GRIA2: variants seen among roughly 807,000 people sequenced by gnomAD.
GRIA2 encodes glutamate receptor 2.
GRIA2 carries 14 observed loss-of-function variants against 97.3 expected under a neutral mutation model. The ratio of observed to expected loss-of-function variants is 0.14; its 90% CI spans 0.10 to 0.23. The LOEUF (loss-of-function observed/expected upper bound fraction) is 0.23, where lower values mean the gene tolerates loss of function less well. Among genes scored for constraint, GRIA2 ranks in the 10% least tolerant of loss-of-function variants. The pLI, the probability that GRIA2 is intolerant of heterozygous loss-of-function variation, is 1.00. For synonymous variants in GRIA2, 412 were observed against 387.8 expected (o/e 1.06, Z -0.73); for missense variants, 558 against 1,069.8 (o/e 0.52, Z 6.67).
At chr4:157,262,463 G>A (rs1731585003) in intron 2 of GRIA2, among the ~76,000 whole-genome samples, 1 of 151,924 alleles carries the variant, frequency 6.6e-6, no homozygotes. Context: ...GAAGAAGATT[G>A]TTACTTTCCA....
intron 11 of GRIA2, among the ~76,000 whole-genome samples, chr4:157,339,880 C>G (rs1212369826): frequency 1.3e-5 from 2 of 151,668 alleles, no homozygotes; most frequent in African/African-American, 4.8e-5. Context: ...TATTTAATAT[C>G]CTTTTCAGAA....
chr4:157,255,493 T>C (rs913182019), intron 2 of GRIA2, among the ~76,000 whole-genome samples: 5 of 152,044 alleles, frequency 3.3e-5, no homozygotes, highest in Admixed American at 6.6e-5. Context: ...CTGTTTTCCA[T>C]AGGGGTTTTA....
At chr4:157,322,321 A>C (rs973945038) in intron 6 of GRIA2, among the ~76,000 whole-genome samples, 1 of 151,558 alleles carries the variant, frequency 6.6e-6, no homozygotes, top group African/African-American at 2.4e-5. Context: ...TCTCTTGAAC[A>C]CTTTAAAAAG....
intron 12 of GRIA2, among the ~76,000 whole-genome samples, chr4:157,355,893 T>TTA (rs1159665827): frequency 7.7e-5 from 1 of 12,960 alleles, no homozygotes; most frequent in African/African-American, 3.5e-4. Flanking sequence ...ATTAATATAT[T>TTA]TATATATAAA....
intron 2 of GRIA2, among the ~76,000 whole-genome samples, chr4:157,242,337 T>C (rs1322461754): frequency 6.6e-6 from 1 of 152,066 alleles, no homozygotes; most frequent in Non-Finnish European, 1.5e-5. Flanking sequence ...TTCAGGATTT[T>C]ATTGTTTATT....
chr4:157,288,590 A>T lies in GRIA2; in HGVS notation c.230-14962A>T, dbSNP rs1323943650. Among the ~76,000 whole-genome samples the T allele has an allele frequency of 4.1e-4, 62 of 151,762 alleles. 2 individuals are homozygous for T. In the Admixed American group the frequency reaches 4.1e-3, roughly 10 times the overall value. ...ATTTACCACAACACATATTTCCTTT[A>T]TGAGTATCAAAATTATCTTGTGTAT... On this transcript the variant is annotated intron_variant, in intron 2 of 15. Transcript: ENST00000264426.
At chr4:157,305,782 A>G (rs1733815636) in intron 3 of GRIA2, among the ~76,000 whole-genome samples, 1 of 152,136 alleles carries the variant, frequency 6.6e-6, no homozygotes, top group South Asian at 2.1e-4. Flanking sequence ...TTTATAATGA[A>G]TGGGTGATGT....
chr4:157,284,959 A>C (rs1732770781), intron 2 of GRIA2, among the ~76,000 whole-genome samples: 1 of 151,724 alleles, frequency 6.6e-6, no homozygotes, highest in African/African-American at 2.4e-5. Context: ...GAATGAAATT[A>C]TTGCTGGTGT....
At chr4:157,228,837 C>T (rs968517241) in intron 2 of GRIA2, among the ~76,000 whole-genome samples, 1 of 145,828 alleles carries the variant, frequency 6.9e-6, no homozygotes, top group African/African-American at 2.5e-5. Flanking sequence ...ACCCCCCCAC[C>T]TCCCCCCACC....
intron 6 of GRIA2, among the ~76,000 whole-genome samples, chr4:157,323,056 C>T (rs1734647109): frequency 1.3e-5 from 2 of 152,016 alleles, no homozygotes; most frequent in Non-Finnish European, 2.9e-5. Flanking sequence ...GTATTTGTGG[C>T]CGGGCGCAGT....
chr4:157,363,319 A>G (rs914920996), intron 15 of GRIA2, 116 bp from the exon 16 acceptor site: 18 of 629,700 alleles, frequency 2.9e-5, no homozygotes, highest in Admixed American at 7.8e-5. Flanking sequence ...TTCATTTGCT[A>G]GAAGCTTTCA....
chr4:157,256,094 G>A (rs1436314708), intron 2 of GRIA2, among the ~76,000 whole-genome samples: 1 of 143,966 alleles, frequency 6.9e-6, no homozygotes, highest in African/African-American at 2.5e-5. Flanking sequence ...CCAATAAAAT[G>A]TCTTCAGAAG....
intron 2 of GRIA2, among the ~76,000 whole-genome samples, chr4:157,274,583 G>A (rs1208197442): frequency 7.2e-6 from 1 of 138,242 alleles, no homozygotes; most frequent in African/African-American, 2.7e-5. Flanking sequence ...TGTTCTCATT[G>A]TTCAATTCCC....
chr4:157,242,885 C>T (rs1295747529), intron 2 of GRIA2, among the ~76,000 whole-genome samples: 1 of 152,096 alleles, frequency 6.6e-6, no homozygotes, highest in African/African-American at 2.4e-5. Flanking sequence ...GGGAGCTAAT[C>T]TAACATACAT....
chr4:157,281,653 C>T (rs1732602506), intron 2 of GRIA2, among the ~76,000 whole-genome samples: 1 of 150,702 alleles, frequency 6.6e-6, no homozygotes, highest in African/African-American at 2.5e-5. Context: ...GTAAAACTCT[C>T]TCTTTTTTTT....
Position 157,341,402 on chromosome 4 carries a change from T to C in GRIA2, c.1983T>C (p.Ser661=). 6.2e-7 allele frequency: 1 copy of C among 1,612,982 alleles called. No homozygotes were observed. The part of the protein sequence containing the change: ...VSPIESAEDL[S]KQTEIAYGTL... ...CCATCGAAAGTGCTGAGGATCTTTC[T>C]AAGCAAACAGAAATTGCTTATGGAA... The change falls in exon 12 of 16, where the codon TCT becomes TCC. Residue 661 remains serine (S), a synonymous_variant. Coordinates refer to ENST00000264426, the MANE Select transcript of GRIA2 (RefSeq NM_001083619.3).
chr4:157,272,656 T>C lies in GRIA2; in HGVS notation c.230-30896T>C, dbSNP rs538472524. Among the ~76,000 whole-genome samples the C allele has an allele frequency of 1.6e-3, 245 of 152,036 alleles. 1 individual carries two copies. Among genetic ancestry groups the C allele is most frequent in the Non-Finnish European group, 2.2e-3 (152 of 67,996 alleles). The stretch of plus-strand genomic sequence containing the variant: ...TGCTTCTGGCAGGGAGAGGGGAAAA[T>C]GGCTATTTAAAAATACGCCAGAGCA... On this transcript the variant is annotated intron_variant, in intron 2 of 15. Coordinates refer to ENST00000264426, the MANE Select transcript of GRIA2 (RefSeq NM_001083619.3).
chr4:157,223,582 A>G (rs543455083), intron 2 of GRIA2, among the ~76,000 whole-genome samples: 1 of 152,240 alleles, frequency 6.6e-6, no homozygotes, highest in Non-Finnish European at 1.5e-5. Flanking sequence ...GTAAGTTCCA[A>G]TTTTTCCTGA....
intron 5 of GRIA2, among the ~76,000 whole-genome samples, chr4:157,318,661 A>G (rs1734429221): frequency 1.3e-5 from 2 of 152,180 alleles, no homozygotes; most frequent in Admixed American, 1.3e-4. Flanking sequence ...TCTTTTTTCA[A>G]AATAATTTAA....
Sources: gnomAD v4.1 joint callset for allele counts (sites outside exome capture counted in the v4.1 genomes callset) on GRCh38, gnomAD v4.1.1 for gene constraint, MANE v1.5 for transcripts, NCBI Gene and HGNC (gene_info 2026-07-23, HGNC 2026-07-21) for gene names.